The following SCIN variants were observed in gnomAD, a reference collection of about 807,000 sequenced individuals.
SCIN encodes adseverin.
SCIN carries 91 observed loss-of-function variants against 91.8 expected under a neutral mutation model. That is an observed-to-expected ratio of 0.99 (90% CI 0.84 to 1.18). The LOEUF (loss-of-function observed/expected upper bound fraction) is 1.18, where lower values mean the gene tolerates loss of function less well. Ranked by LOEUF, SCIN falls within the 50% of genes most tolerant of loss-of-function variation. The probability of loss-of-function intolerance (pLI) is 0.00; values close to 1 mark genes in which losing one functional copy is unlikely to be tolerated. For missense variants in SCIN, 1,087 were observed against 863.9 expected (o/e 1.26, Z -3.24); for synonymous variants, 367 against 312.6 (o/e 1.17, Z -1.84).
At position 12,644,709 on chromosome 7, in the gene SCIN, A is replaced by T. The variant is rs183015208; in HGVS notation, c.1881+4A>T. ...TAACAAAACTGGAAGATTTGTTGTA[A>T]GTGTCCTTAAAAATAGTGCGATAGG... On this transcript the variant is annotated splice_donor_region_variant and intron_variant, in intron 13 of 15. Transcript: ENST00000297029. The T allele has an allele frequency of 3.2e-6, 5 of 1,556,200 alleles. No individual in the cohort carries two copies. The highest frequency in any genetic ancestry group is 4.3e-6 in the Non-Finnish European group (5 of 1,149,496).
chr7:12,618,541 A>G (rs964062163), intron 4 of SCIN, among the ~76,000 whole-genome samples: 4 of 152,312 alleles, frequency 2.6e-5, no homozygotes, highest in Admixed American at 2.0e-4. Flanking sequence ...AGAGCAGCAG[A>G]GTAAATGTTG....
At chr7:12,596,385 GA>G in intron 3 of SCIN, 1 of 455,032 alleles carries the variant, frequency 2.2e-6, no homozygotes, top group Non-Finnish European at 4.4e-6. Flanking sequence ...GGACCATCAG[GA>G]AATGGCCTCC....
intron 8 of SCIN, 68 bp from the exon 9 acceptor site, chr7:12,629,033 A>G: frequency 7.6e-7 from 1 of 1,307,450 alleles, no homozygotes; most frequent in Non-Finnish European, 1.0e-6. Flanking sequence ...AAAATTATTT[A>G]AAGCTTATGA....
Position 12,653,204 on chromosome 7 carries a change from A to G in SCIN, c.*489A>G, listed in dbSNP as rs890315256. On this transcript the variant is annotated 3_prime_UTR_variant, in exon 16 of 16. Transcript: ENST00000297029. This position sits in a 1 kb window ranked among gnomAD's most constrained non-coding sequence, Gnocchi z 4.1. Reference sequence around the variant, plus strand: ...ACCTGGAGTTTTCTTACGTTAATACATTAAAATAACCTGAAGGAAACTTTC... The same window carrying G: ...ACCTGGAGTTTTCTTACGTTAATACGTTAAAATAACCTGAAGGAAACTTTC... 1.3e-5 allele frequency: 2 copies of G among 152,240 alleles called. No individual in the cohort carries two copies. Among genetic ancestry groups the G allele is most frequent in the African/African-American group, 4.8e-5 (2 of 41,406 alleles). 9.4% of individuals were successfully genotyped at this position (152,240 alleles called of 1,614,324 possible).
rs1189343903 is a variant in SCIN at position 12,656,356 on chromosome 7, AAC to A, written c.*3644_*3645del. On this transcript the variant is annotated 3_prime_UTR_variant, in exon 16 of 16. Coordinates refer to ENST00000297029, the MANE Select transcript of SCIN (RefSeq NM_001112706.3). ...AGATAATTACTTTGAACTGAAAGAA[AAC>A]ACTTATTTTATTTTCTTTTAAACCT... 1 of 152,224 alleles carries A rather than the reference AAC, an allele frequency of 6.6e-6. No individual in the cohort carries two copies. The highest frequency in any genetic ancestry group is 1.9e-4 in the East Asian group (1 of 5,200). 9.4% of individuals were successfully genotyped at this position (152,224 alleles called of 1,614,324 possible).
intron 4 of SCIN, among the ~76,000 whole-genome samples, chr7:12,605,562 A>T (rs1783063414): frequency 6.6e-6 from 1 of 152,176 alleles, no homozygotes; most frequent in African/African-American, 2.4e-5. Context: ...CATACACCTT[A>T]TATGCACAGC....
At chr7:12,573,246 A>G (rs1278481043) in intron 1 of SCIN, among the ~76,000 whole-genome samples, 1 of 152,208 alleles carries the variant, frequency 6.6e-6, no homozygotes, top group Admixed American at 6.5e-5. Flanking sequence ...CACAGGAGAG[A>G]GAGCTGAACT....
chr7:12,636,684 A>C (rs1783759196), intron 10 of SCIN, among the ~76,000 whole-genome samples: 1 of 152,216 alleles, frequency 6.6e-6, no homozygotes, highest in Non-Finnish European at 1.5e-5. Context: ...AGACAGAGTC[A>C]GAGGGATGCA....
intron 3 of SCIN, among the ~76,000 whole-genome samples, chr7:12,596,620 T>C (rs536724096): frequency 6.6e-6 from 1 of 152,234 alleles, no homozygotes; most frequent in Non-Finnish European, 1.5e-5. Context: ...TTGATGTTGA[T>C]TGAGCAGTTG....
At chr7:12,571,691 A>T in intron 1 of SCIN, 1 of 378,890 alleles carries the variant, frequency 2.6e-6, no homozygotes, top group Admixed American at 3.7e-5. Context: ...TCATATATTT[A>T]TGTAGACTGC....
chr7:12,641,755 C>G (rs940606109), intron 11 of SCIN, among the ~76,000 whole-genome samples: 12 of 152,108 alleles, frequency 7.9e-5, no homozygotes, highest in African/African-American at 2.7e-4. Context: ...TTCTCCAGGC[C>G]TATAGCTGAA....
chr7:12,642,431 C>G (rs986029389), intron 11 of SCIN, among the ~76,000 whole-genome samples: 1 of 152,070 alleles, frequency 6.6e-6, no homozygotes, highest in Non-Finnish European at 1.5e-5. Flanking sequence ...TCTTTAAAAA[C>G]TGTGTCTTGA....
intron 5 of SCIN, among the ~76,000 whole-genome samples, chr7:12,623,109 C>G (rs1349868525): frequency 6.6e-6 from 1 of 152,022 alleles, no homozygotes; most frequent in African/African-American, 2.4e-5. Flanking sequence ...AATATGTGAA[C>G]TTATTGCTGT....
rs1784157715 is a variant in SCIN, at chr7:12,656,047, A to C, written c.*3332A>C. On this transcript the variant is annotated 3_prime_UTR_variant, in exon 16 of 16. Transcript: ENST00000297029. ...TTAGATCCTCTGTATCTTCTCAAGC[A>C]CAATCCTCAGTGTTCTCTTCTCGTC... 6.6e-6 allele frequency: 1 copy of C among 152,200 alleles called. No homozygotes were observed. The highest frequency in any genetic ancestry group is 1.5e-5 in the Non-Finnish European group (1 of 68,042). The allele number at this position is 152,200 out of a possible 1,614,324, so 9.4% of individuals were successfully genotyped here.
In SCIN at chr7:12,629,215, T is replaced by A. The variant is rs1710244222; in HGVS notation, c.1312T>A (p.Tyr438Asn). The change falls in exon 9 of 16, where the codon TAC (tyrosine) becomes AAC (asparagine). Residue 438 changes from tyrosine (Y) to asparagine (N), a missense_variant. Physicochemically the swap from Tyr to Asn is moderately radical, Grantham distance 143. Transcript: ENST00000297029. ...LYTYPRGQII[Y>N]TWQGANATRD... ...CACCTATCCCAGAGGACAGATTATC[T>A]ACACGTGGTGAGTTTATACGGGTAA... 6.2e-7 allele frequency: 1 copy of A among 1,610,240 alleles called. No individual in the cohort carries two copies. Among genetic ancestry groups the A allele is most frequent in the Admixed American group, 1.7e-5 (1 of 59,224 alleles).
intron 1 of SCIN, among the ~76,000 whole-genome samples, chr7:12,575,477 T>C (rs1390220429): frequency 3.3e-5 from 5 of 152,270 alleles, no homozygotes; most frequent in African/African-American, 1.2e-4. Context: ...CATTGCTAGC[T>C]CTGTGTTTTT....
At chr7:12,635,298 C>T (rs1783725020) in intron 9 of SCIN, among the ~76,000 whole-genome samples, 1 of 151,600 alleles carries the variant, frequency 6.6e-6, no homozygotes, top group Non-Finnish European at 1.5e-5. Flanking sequence ...TTGGTTCATG[C>T]TCACCAAATA....
chr7:12,602,632 A>G (rs1013538290), intron 3 of SCIN, among the ~76,000 whole-genome samples: 4 of 152,130 alleles, frequency 2.6e-5, no homozygotes, highest in Non-Finnish European at 4.4e-5. Flanking sequence ...TAATATTAAT[A>G]TTCCTTGCTA....
At chr7:12,617,748 A>G (rs1480360919) in intron 4 of SCIN, among the ~76,000 whole-genome samples, 2 of 152,166 alleles carry the variant, frequency 1.3e-5, no homozygotes, top group Non-Finnish European at 2.9e-5. Context: ...AAGCAGGCCT[A>G]GAAGGCTTTT....
Sources: allele counts gnomAD v4.1 joint callset (sites outside exome capture counted in the v4.1 genomes callset), GRCh38; gene constraint gnomAD v4.1.1; non-coding constraint Gnocchi (gnomAD v3.1); transcripts MANE v1.5; gene names NCBI Gene and HGNC (gene_info 2026-07-23, HGNC 2026-07-21).